Variants in CDKN2B-AS1 observed in about 807,000 individuals in gnomAD.
The protein encoded by CDKN2B-AS1 is CDKN2B antisense RNA 1 (non-protein coding).
chr9:22,029,009 A>G (rs1355942619), intron 1 of CDKN2B-AS1, among the ~76,000 whole-genome samples: 1 of 152,094 alleles, frequency 6.6e-6, no homozygotes, highest in Admixed American at 6.5e-5. Context: ...AATTTGGGAC[A>G]ATTTGGACAT....
intron 4 of CDKN2B-AS1, among the ~76,000 whole-genome samples, chr9:22,069,641 A>G (rs932918439): frequency 1.3e-5 from 2 of 152,106 alleles, no homozygotes; most frequent in Non-Finnish European, 2.9e-5. Context: ...TCATCACTTC[A>G]TGCATTTATT....
chr9:22,109,876 G>A (rs2131366049), intron 4 of CDKN2B-AS1, among the ~76,000 whole-genome samples: 1 of 152,178 alleles, frequency 6.6e-6, no homozygotes, highest in African/African-American at 2.4e-5. Context: ...ATTTTCCCTT[G>A]CTCTCCCAAT....
At chr9:22,037,850 T>C (rs1822751107) in intron 1 of CDKN2B-AS1, among the ~76,000 whole-genome samples, 3 of 152,090 alleles carry the variant, frequency 2.0e-5, no homozygotes, top group Non-Finnish European at 4.4e-5. Flanking sequence ...TTATCTGTTA[T>C]GGTCACAGTG....
At chr9:22,009,165 C>T in intron 1 of CDKN2B-AS1, 2 of 672,280 alleles carry the variant, frequency 3.0e-6, no homozygotes, top group East Asian at 5.5e-5. Context: ...CTTTTCCTGG[C>T]GCTCAAGAAC....
rs562704987 is a variant in CDKN2B-AS1, at chr9:22,012,510, A to G, written n.29+17349A>G. 5.5e-5 allele frequency: 36 copies of G among 655,722 alleles called. No individual in the cohort carries two copies. In the African/African-American group the frequency reaches 6.0e-4, roughly 11 times the overall value. 40.6% of individuals were successfully genotyped at this position (655,722 alleles called of 1,614,324 possible). On this transcript the variant is annotated intron_variant and non_coding_transcript_variant, in intron 1 of 4. Coordinates refer to ENST00000650946, the Ensembl canonical transcript of CDKN2B-AS1. Reference sequence around the variant, plus strand: ...CGCAAGAAGAAGTGTGGCCACACCAACAACCTGCACCCCAAGAAGGTCAAA... The same window carrying G: ...CGCAAGAAGAAGTGTGGCCACACCAGCAACCTGCACCCCAAGAAGGTCAAA...
At chr9:22,020,906 T>C (rs1339174374) in intron 1 of CDKN2B-AS1, among the ~76,000 whole-genome samples, 2 of 152,242 alleles carry the variant, frequency 1.3e-5, no homozygotes, top group East Asian at 3.8e-4. Flanking sequence ...CAATTTTTTC[T>C]TTTGATGCAA....
At chr9:22,059,547 TGA>T (rs1208627585) in intron 4 of CDKN2B-AS1, among the ~76,000 whole-genome samples, 2 of 152,206 alleles carry the variant, frequency 1.3e-5, no homozygotes, top group Non-Finnish European at 2.9e-5. Flanking sequence ...CGGCTGGTGT[TGA>T]GTGTCTGTGG....
At chr9:22,029,702 T>C (rs1822389581) in intron 1 of CDKN2B-AS1, 4 of 440,246 alleles carry the variant, frequency 9.1e-6, no homozygotes, top group Non-Finnish European at 1.6e-5. Flanking sequence ...AGAAAATATT[T>C]TGATGACCTG....
intron 4 of CDKN2B-AS1, among the ~76,000 whole-genome samples, chr9:22,090,197 T>A: frequency 6.6e-6 from 1 of 152,212 alleles, no homozygotes; most frequent in Non-Finnish European, 1.5e-5. Context: ...ATGGTGTATA[T>A]GTGCCACATT....
chr9:22,085,701 A>G (rs1363297365), intron 4 of CDKN2B-AS1, among the ~76,000 whole-genome samples: 2 of 144,072 alleles, frequency 1.4e-5, no homozygotes, highest in Non-Finnish European at 1.5e-5. Flanking sequence ...AGCGAGGGCA[A>G]CAGAGCGAGA....
chr9:22,004,665 C>T, intron 1 of CDKN2B-AS1: 1 of 232,666 alleles, frequency 4.3e-6, no homozygotes, highest in Non-Finnish European at 8.5e-6. Context: ...AGCAGTGCAC[C>T]TTTAGTTTGT....
chr9:22,092,698 T>G (rs1290550316), intron 4 of CDKN2B-AS1, among the ~76,000 whole-genome samples: 2 of 152,204 alleles, frequency 1.3e-5, no homozygotes, highest in Non-Finnish European at 2.9e-5. Flanking sequence ...TTGTGTCTAT[T>G]TGATTCTTCT....
chr9:22,067,416 CAA>C (rs1824093814), intron 4 of CDKN2B-AS1, among the ~76,000 whole-genome samples: 1 of 152,094 alleles, frequency 6.6e-6, no homozygotes, highest in East Asian at 1.9e-4. Flanking sequence ...CTTCATAGAA[CAA>C]GAGCAGGATT....
chr9:22,103,131 A>ATG (rs3221506), intron 4 of CDKN2B-AS1, among the ~76,000 whole-genome samples: 17,439 of 132,236 alleles, frequency 0.13, 1,220 homozygotes, highest in Non-Finnish European at 0.16. Flanking sequence ...TCTAGAACAG[A>ATG]TGTGTGTGTG....
At chr9:22,060,086 C>G (rs944770500) in intron 4 of CDKN2B-AS1, among the ~76,000 whole-genome samples, 1 of 152,176 alleles carries the variant, frequency 6.6e-6, no homozygotes, top group East Asian at 1.9e-4. Context: ...GACATTTTCC[C>G]CATGGTCTCG....
At chr9:22,002,315 T>C (rs1820953878) in intron 1 of CDKN2B-AS1, among the ~76,000 whole-genome samples, 1 of 152,070 alleles carries the variant, frequency 6.6e-6, no homozygotes, top group African/African-American at 2.4e-5. Context: ...AAGTTTTGCA[T>C]ATCATTAGTT....
chr9:22,050,125 A>G (rs1030199120), intron 3 of CDKN2B-AS1, among the ~76,000 whole-genome samples: 1 of 152,228 alleles, frequency 6.6e-6, no homozygotes, highest in Non-Finnish European at 1.5e-5. Flanking sequence ...AGTTGAATGT[A>G]TATACTGTAC....
intron 4 of CDKN2B-AS1, chr9:22,077,590 A>C (rs576397279): frequency 6.6e-6 from 1 of 152,320 alleles, no homozygotes; most frequent in South Asian, 2.1e-4. Context: ...TAGTCACCTG[A>C]GGCTAGTGAC....
intron 1 of CDKN2B-AS1, among the ~76,000 whole-genome samples, chr9:22,013,398 A>G (rs1318518665): frequency 2.0e-5 from 3 of 152,314 alleles, no homozygotes; most frequent in East Asian, 3.9e-4. Flanking sequence ...AAATAAGGCT[A>G]GGATATTGAA....
Sources: gnomAD v4.1 joint callset for allele counts (sites outside exome capture counted in the v4.1 genomes callset) on GRCh38, gnomAD v4.1.1 for gene constraint, MANE v1.5 for transcripts, NCBI Gene and HGNC (gene_info 2026-07-23, HGNC 2026-07-21) for gene names.